Variants in PTPRD observed in about 807,000 individuals in gnomAD.
PTPRD encodes the protein protein tyrosine phosphatase receptor type D.
A neutral mutation model predicts 214.5 loss-of-function variants in PTPRD; 34 were observed. The observed-to-expected ratio is 0.16, with a 90% CI of 0.12 to 0.21. PTPRD has a LOEUF of 0.21. PTPRD is among the 10% of genes least tolerant of loss of function. PTPRD has a pLI of 1.00. For synonymous variants in PTPRD, 1,128 were observed against 845.7 expected (o/e 1.33, Z -5.79); for missense variants, 2,545 against 2,398.7 (o/e 1.06, Z -1.27).
chr9:9,669,298 A>G (rs2154385303), intron 7 of PTPRD, among the ~76,000 whole-genome samples: 1 of 152,274 alleles, frequency 6.6e-6, no homozygotes, highest in East Asian at 1.9e-4. Context: ...CAACAGATAG[A>G]GATTCTATTA....
intron 22 of PTPRD, among the ~76,000 whole-genome samples, chr9:8,505,150 C>A (rs1000528524): frequency 1.3e-5 from 2 of 152,124 alleles, no homozygotes; most frequent in African/African-American, 4.8e-5. Flanking sequence ...CTATAACTCT[C>A]ACCTTCCGTG....
At chr9:8,428,679 G>C (rs1242040642) in intron 35 of PTPRD, among the ~76,000 whole-genome samples, 1 of 152,130 alleles carries the variant, frequency 6.6e-6, no homozygotes, top group Non-Finnish European at 1.5e-5. Flanking sequence ...AAAATTGTGT[G>C]TGTGTGTATG....
intron 27 of PTPRD, among the ~76,000 whole-genome samples, chr9:8,489,202 T>C (rs1036353506): frequency 6.6e-6 from 1 of 152,188 alleles, no homozygotes; most frequent in African/African-American, 2.4e-5. Context: ...ACTTTGTAGA[T>C]GTATACATTT....
chr9:9,427,282 C>G (rs2081324757), intron 8 of PTPRD, among the ~76,000 whole-genome samples: 1 of 152,030 alleles, frequency 6.6e-6, no homozygotes, highest in Non-Finnish European at 1.5e-5. Context: ...GCTTCAGTAG[C>G]CGATTTGATC....
chr9:9,495,332 A>G (rs889947653), intron 8 of PTPRD, among the ~76,000 whole-genome samples: 1 of 151,386 alleles, frequency 6.6e-6, no homozygotes, highest in South Asian at 2.1e-4. Flanking sequence ...AAAAGCAACA[A>G]CAACAACAAC....
At chr9:8,342,053 A>G (rs1415405023) in intron 39 of PTPRD, 75 bp from the exon 40 acceptor site, 37 of 1,387,550 alleles carry the variant, frequency 2.7e-5, no homozygotes, top group Non-Finnish European at 3.4e-5. Context: ...TATTTTTATT[A>G]TTCTTATTAA....
chr9:10,506,798 G>A (rs1038540968), intron 2 of PTPRD, among the ~76,000 whole-genome samples: 7 of 151,908 alleles, frequency 4.6e-5, no homozygotes, highest in South Asian at 2.1e-4. Flanking sequence ...TTTTTGTAAC[G>A]TACTTCAATT....
At chr9:8,747,871 G>C (rs1056281104) in intron 11 of PTPRD, among the ~76,000 whole-genome samples, 1 of 152,144 alleles carries the variant, frequency 6.6e-6, no homozygotes, top group South Asian at 2.1e-4. Flanking sequence ...GTGTGCCAAA[G>C]AAGTAATCCC....
chr9:9,237,762 C>T (rs999673958), intron 9 of PTPRD, among the ~76,000 whole-genome samples: 3 of 152,134 alleles, frequency 2.0e-5, no homozygotes, highest in African/African-American at 7.2e-5. Flanking sequence ...ACTTCTTAGT[C>T]AACTAAAACC....
At chr9:10,580,952 G>T (rs1005824030) in intron 2 of PTPRD, among the ~76,000 whole-genome samples, 1 of 152,180 alleles carries the variant, frequency 6.6e-6, no homozygotes, top group African/African-American at 2.4e-5. Flanking sequence ...ATGTTTGTCA[G>T]AGAAGCACTG....
At chr9:9,425,844 G>C (rs1261205828) in intron 8 of PTPRD, among the ~76,000 whole-genome samples, 2 of 152,010 alleles carry the variant, frequency 1.3e-5, no homozygotes, top group African/African-American at 4.8e-5. Context: ...AAATAGTGTT[G>C]AGTTGATTTT....
At chr9:8,525,411 C>G (rs552664721) in intron 17 of PTPRD, among the ~76,000 whole-genome samples, 1 of 151,768 alleles carries the variant, frequency 6.6e-6, no homozygotes, top group African/African-American at 2.4e-5. Context: ...CATTTGGGTA[C>G]CAAAAGTGGC....
intron 5 of PTPRD, among the ~76,000 whole-genome samples, chr9:9,917,935 GTCATATATGACA>G (rs1162797116): frequency 6.6e-6 from 1 of 151,934 alleles, no homozygotes; most frequent in Non-Finnish European, 1.5e-5. Context: ...CATAATGGAG[GTCATATATGACA>G]AACCCAAAAC....
intron 2 of PTPRD, among the ~76,000 whole-genome samples, chr9:10,389,733 C>T (rs183052210): frequency 6.6e-6 from 1 of 151,954 alleles, no homozygotes; most frequent in East Asian, 2.0e-4. Flanking sequence ...GACTCCACCT[C>T]CACATCATTA....
At chr9:9,496,006 C>T (rs2096168522) in intron 8 of PTPRD, among the ~76,000 whole-genome samples, 1 of 152,174 alleles carries the variant, frequency 6.6e-6, no homozygotes, top group African/African-American at 2.4e-5. Flanking sequence ...CCCGTAGCAG[C>T]TGGCTGGATC....
At chr9:8,917,859 A>AT (rs1396777145) in intron 11 of PTPRD, among the ~76,000 whole-genome samples, 1 of 152,176 alleles carries the variant, frequency 6.6e-6, no homozygotes, top group Admixed American at 6.5e-5. Flanking sequence ...GCAGTAAAGG[A>AT]TTTGCAGTTT....
At chr9:8,413,874 C>T (rs1391378433) in intron 35 of PTPRD, among the ~76,000 whole-genome samples, 1 of 151,864 alleles carries the variant, frequency 6.6e-6, no homozygotes, top group Admixed American at 6.6e-5. Context: ...ATTAGTTTTA[C>T]ATTGTAAAAT....
At chr9:10,492,868 T>A (rs10123456) in intron 2 of PTPRD, among the ~76,000 whole-genome samples, 104,419 of 151,884 alleles carry the variant, frequency 0.69, 37,674 homozygotes, top group Middle Eastern at 0.84. Context: ...ATCTCAGCCC[T>A]AAATCTCGTT....
Position 10,101,910 on chromosome 9 carries a change from C to T in PTPRD, c.-544-68120G>A, listed in dbSNP as rs140442747. ...GTGCTGTAAGGGACAGCATTGGAAACATGTATTTAAGGATACACTGCTAAC... is the reference window on the plus strand; with the variant it reads ...GTGCTGTAAGGGACAGCATTGGAAATATGTATTTAAGGATACACTGCTAAC... On this transcript the variant is annotated intron_variant, in intron 3 of 45. Transcript: ENST00000381196. Among the ~76,000 whole-genome samples, 661 of 151,652 alleles carry T rather than the reference C, an allele frequency of 4.4e-3. 3 individuals are homozygous for T. The highest frequency in any genetic ancestry group is 0.015 in the African/African-American group (630 of 41,440).
Sources: gnomAD v4.1 joint callset for allele counts (sites outside exome capture counted in the v4.1 genomes callset) on GRCh38, gnomAD v4.1.1 for gene constraint, MANE v1.5 for transcripts, NCBI Gene and HGNC (gene_info 2026-07-23, HGNC 2026-07-21) for gene names.